The following RLF variants were observed in gnomAD, a reference collection of about 807,000 sequenced individuals.
RLF encodes the protein RLF zinc finger.
RLF carries 7 observed loss-of-function variants against 162.9 expected under a neutral mutation model. The observed-to-expected ratio is 0.04, with a 90% CI of 0.02 to 0.08. The LOEUF (loss-of-function observed/expected upper bound fraction) is 0.08. RLF is among the 10% of genes least tolerant of loss of function. The pLI is 1.00. For missense variants in RLF, 1,664 were observed against 2,244.7 expected, an observed-to-expected ratio of 0.74 and a Z score of 5.23; for synonymous variants, 782 against 791.5, an observed-to-expected ratio of 0.99 and a Z score of 0.20.
intron 4 of RLF, among the ~76,000 whole-genome samples, chr1:40,201,805 T>C (rs1389588154): frequency 6.6e-6 from 1 of 152,086 alleles, no homozygotes; most frequent in Non-Finnish European, 1.5e-5. Context: ...GTTACTAATA[T>C]GTATAAAAGG....
At chr1:40,166,947 T>C (rs888541977) in intron 1 of RLF, among the ~76,000 whole-genome samples, 1 of 151,908 alleles carries the variant, frequency 6.6e-6, no homozygotes, top group South Asian at 2.1e-4. Flanking sequence ...GGCACATGTG[T>C]GCATGTGTAA....
At chr1:40,187,251 C>T (rs1642495015) in intron 1 of RLF, among the ~76,000 whole-genome samples, 1 of 152,086 alleles carries the variant, frequency 6.6e-6, no homozygotes, top group Non-Finnish European at 1.5e-5. Context: ...AGGATGGTCT[C>T]GATCTCTTGA....
At chr1:40,225,578 C>CAAA (rs537934926) in intron 6 of RLF, among the ~76,000 whole-genome samples, 1 of 83,076 alleles carries the variant, frequency 1.2e-5, no homozygotes, top group Non-Finnish European at 2.3e-5. Context: ...GACTCTGTCT[C>CAAA]AAAAAAAAAA....
chr1:40,221,678 A>G (rs1032416761), intron 5 of RLF, among the ~76,000 whole-genome samples: 2 of 151,910 alleles, frequency 1.3e-5, no homozygotes, highest in Non-Finnish European at 2.9e-5. Context: ...AGGCGGGTGA[A>G]TCACGAGGTC....
Position 40,237,108 on chromosome 1 carries a change from A to C in RLF, c.2406A>C (p.Thr802=). The C allele has an allele frequency of 2.5e-6, 4 of 1,614,188 alleles. No individual in the cohort carries two copies. Among genetic ancestry groups the C allele is most frequent in the Non-Finnish European group, 3.4e-6 (4 of 1,180,000 alleles). Reference sequence around the variant, plus strand: ...AACACTTTAGGGATGCATCTTACACATGCAACTTCCTTGGCTGTAAAAAGT... The same window carrying C: ...AACACTTTAGGGATGCATCTTACACCTGCAACTTCCTTGGCTGTAAAAAGT... ...EAQHFRDASY[T]CNFLGCKKFY... Residue 802 remains threonine (T), a synonymous_variant, in exon 8 of 8, where the codon ACA becomes ACC. Transcript: ENST00000372771. This position sits in a 1 kb window ranked among gnomAD's most constrained non-coding sequence, Gnocchi z 4.4.
In RLF at chr1:40,196,419, A is replaced by G. The variant is rs990915252; in HGVS notation, c.607+655A>G. On this transcript the variant is annotated intron_variant, in intron 4 of 7. Transcript: ENST00000372771. ...TGCAACAACTGAGGGCCATGAAAAA[A>G]GTTTTTTTTATTTTATATATATGAA... is the stretch of plus-strand genomic sequence containing the variant. Among the ~76,000 whole-genome samples the G allele has an allele frequency of 3.9e-5, 6 of 152,162 alleles. No individual in the cohort carries two copies. The East Asian group carries it at 9.7e-4, about 24-fold the overall frequency.
At position 40,189,208 on chromosome 1, in the gene RLF, C is replaced by G; in HGVS notation, c.391C>G (p.Leu131Val). ...CCTCTTAGTGCTTGGCAGATTAGTACTGTAAGTTTGAGAACTTAAATCACT... is the reference window on the plus strand; with the variant it reads ...CCTCTTAGTGCTTGGCAGATTAGTAGTGTAAGTTTGAGAACTTAAATCACT... ...DVLLVLGRLV[L>V]SCFELLLSVS... is the part of the protein sequence containing the mutation. The change falls in exon 2 of 8, where the codon CTG (leucine) becomes GTG (valine). Residue 131 changes from leucine (L) to valine (V), a missense_variant and splice_region_variant. Physicochemically the swap from Leu to Val is conservative, Grantham distance 32 (BLOSUM62 1). Around this residue, in one of 15 missense-constraint regions of RLF, gnomAD observed 287 missense variants for 404.9 expected, o/e 0.71. Transcript: ENST00000372771. 6.2e-7 allele frequency: 1 copy of G among 1,608,934 alleles called. No individual in the cohort carries two copies. The highest frequency in any genetic ancestry group is 8.5e-7 in the Non-Finnish European group (1 of 1,177,510).
Position 40,210,032 on chromosome 1 carries a change from G to A in RLF, c.810+7418G>A, listed in dbSNP as rs148774904. ...TTGGGAAAGTTAATCAGACTGAGAT[G>A]TAGTAATGGTTATTCTCAGCACCTG... On this transcript the variant is annotated intron_variant, in intron 5 of 7. Coordinates refer to ENST00000372771, the MANE Select transcript of RLF (RefSeq NM_012421.4). Among the ~76,000 whole-genome samples, 1,454 of 152,288 alleles carry A rather than the reference G, an allele frequency of 9.5e-3. 20 individuals carry two copies. Among genetic ancestry groups the A allele is most frequent in the South Asian group, 0.035 (167 of 4,828 alleles).
In RLF at chr1:40,202,607, T is replaced by C; in HGVS notation, c.803T>C (p.Ile268Thr). The C allele has an allele frequency of 2.0e-6, 3 of 1,513,210 alleles. No homozygotes were observed. The highest frequency in any genetic ancestry group is 2.6e-6 in the Non-Finnish European group (3 of 1,135,878). The allele number at this position is 1,513,210 out of a possible 1,614,324, so 93.7% of individuals were successfully genotyped here. A position where few individuals can be genotyped will look rare whatever the true frequency, so the allele number is the denominator to read the frequency against. Residue 268 changes from isoleucine to threonine, a missense_variant, in exon 5 of 8, where the codon ATT becomes ACT. Ile to Thr is a moderately conservative substitution (Grantham distance 89, BLOSUM62 -1). Transcript: ENST00000372771. ...LCSMLPNEDA[I>T]KEIAKVDCKE... ...TCTATGCTCCCTAATGAAGATGCTATTAAGGAGGTGAGTAAATAATTGTTG... is the reference window on the plus strand; with the variant it reads ...TCTATGCTCCCTAATGAAGATGCTACTAAGGAGGTGAGTAAATAATTGTTG...
At chr1:40,181,854 G>A (rs67759658) in intron 1 of RLF, among the ~76,000 whole-genome samples, 6,369 of 152,110 alleles carry the variant, frequency 0.042, 197 homozygotes, top group South Asian at 0.12. Context: ...TATCCACCCA[G>A]CAATTCCATT....
intron 6 of RLF, among the ~76,000 whole-genome samples, chr1:40,229,888 G>A (rs1643131206): frequency 6.6e-6 from 1 of 152,050 alleles, no homozygotes; most frequent in Admixed American, 6.5e-5. Context: ...GCCGAGGCAG[G>A]CAGATCACCT....
intron 4 of RLF, among the ~76,000 whole-genome samples, chr1:40,200,245 C>T (rs1272506262): frequency 6.6e-6 from 1 of 152,194 alleles, no homozygotes; most frequent in East Asian, 1.9e-4. Context: ...TGGGCACTTA[C>T]ATATTGCTGA....
intron 5 of RLF, among the ~76,000 whole-genome samples, chr1:40,206,244 A>G (rs774362115): frequency 1.1e-4 from 17 of 152,132 alleles, no homozygotes; most frequent in Non-Finnish European, 2.2e-4. Flanking sequence ...ACTTTGCTAC[A>G]TTTAATCAGC....
At position 40,237,769 on chromosome 1, in the gene RLF, C is replaced by T. The variant is rs772511162; in HGVS notation, c.3067C>T (p.Pro1023Ser). 2 of 1,614,002 alleles carry T rather than the reference C, an allele frequency of 1.2e-6. No individual in the cohort carries two copies. Among genetic ancestry groups the T allele is most frequent in the South Asian group, 2.2e-5 (2 of 91,070 alleles). Residue 1023 changes from proline to serine, a missense_variant, in exon 8 of 8, where the codon CCA (proline) becomes TCA (serine). Pro to Ser is a moderately conservative substitution (Grantham distance 74). Transcript: ENST00000372771. The surrounding 1 kb of genome is among the most constrained non-coding windows in gnomAD (Gnocchi z 4.4). Reference protein sequence around the residue: ...KPCSDTNSDSPDEGLDHNIHI... With the variant: ...KPCSDTNSDSSDEGLDHNIHI... ...CTGCTCAGATACAAACAGTGACTCC[C>T]CAGATGAAGGTCTAGATCACAATAT...
At chr1:40,200,815 T>C (rs895875273) in intron 4 of RLF, among the ~76,000 whole-genome samples, 4 of 149,074 alleles carry the variant, frequency 2.7e-5, no homozygotes, top group Non-Finnish European at 5.9e-5. Flanking sequence ...GATTCTCATA[T>C]GTAGTTAAAA....
chr1:40,164,143 T>G (rs1642135263), intron 1 of RLF, among the ~76,000 whole-genome samples: 1 of 152,214 alleles, frequency 6.6e-6, no homozygotes, highest in Non-Finnish European at 1.5e-5. Flanking sequence ...AAAGATAGAT[T>G]GTAGGCATTT....
chr1:40,240,677 A>G lies in RLF; in HGVS notation c.*230A>G, dbSNP rs1643281411. The G allele has an allele frequency of 2.1e-6, 1 of 481,880 alleles. No homozygotes were observed. The highest frequency in any genetic ancestry group is 3.7e-6 in the Non-Finnish European group (1 of 269,472). 29.9% of individuals were successfully genotyped at this position (481,880 alleles called of 1,614,324 possible). A position where few individuals can be genotyped will look rare whatever the true frequency, so the allele number is the denominator to read the frequency against. On this transcript the variant is annotated 3_prime_UTR_variant, in exon 8 of 8. Transcript: ENST00000372771. ...TTTGTTTGTTTATTAAAAAAATGGA[A>G]CTGTACACTTGTTTGGTGCTAATTA...
Position 40,231,502 on chromosome 1 carries a change from C to T in RLF, c.948-15C>T. The T allele has an allele frequency of 6.2e-7, 1 of 1,604,946 alleles. No individual in the cohort carries two copies. On this transcript the variant is annotated splice_polypyrimidine_tract_variant and intron_variant, in intron 6 of 7. Coordinates refer to ENST00000372771, the MANE Select transcript of RLF (RefSeq NM_012421.4). ...GTTACTTTAAATGTTTTACCATGAT[C>T]TTCTTTTTTTATAGGGAACTGACTC...
chr1:40,202,340 A>G (rs1642728842), intron 4 of RLF, 72 bp from the exon 5 acceptor site: 7 of 975,596 alleles, frequency 7.2e-6, no homozygotes, highest in South Asian at 1.7e-5. Flanking sequence ...AAAGATCTCA[A>G]ACTTTCATCT....
Sources: allele counts gnomAD v4.1 joint callset (sites outside exome capture counted in the v4.1 genomes callset), GRCh38; gene constraint gnomAD v4.1.1; regional missense constraint gnomAD v4.1.1; non-coding constraint Gnocchi (gnomAD v3.1); transcripts MANE v1.5; gene names NCBI Gene and HGNC (gene_info 2026-07-23, HGNC 2026-07-21).